CERS3: variants seen among roughly 807,000 people sequenced by gnomAD.
CERS3 encodes the protein LAG1 homolog, ceramide synthase 3.
In CERS3, 33 loss-of-function variants were observed where a neutral mutation model predicts 50.3. That is an observed-to-expected ratio of 0.66 (90% CI 0.50 to 0.88). CERS3 has a LOEUF of 0.88. Ranked by LOEUF, CERS3 falls within the 40% of genes least tolerant of loss-of-function variation. The probability of loss-of-function intolerance (pLI) is 0.00; values close to 1 mark genes in which losing one functional copy is unlikely to be tolerated. For missense variants in CERS3, 470 were observed against 460.3 expected (o/e 1.02, Z -0.19); for synonymous variants, 176 against 155.2 (o/e 1.13, Z -0.99).
intron 11 of CERS3, among the ~76,000 whole-genome samples, chr15:100,453,247 C>T (rs1355423650): frequency 6.6e-6 from 1 of 152,056 alleles, no homozygotes; most frequent in African/African-American, 2.4e-5. Flanking sequence ...TACAAAAATT[C>T]TCAACAAAAT....
In CERS3 at chr15:100,428,157, T is replaced by G. The variant is rs557467687; in HGVS notation, c.1000-25292A>C. Among the ~76,000 whole-genome samples, 213 of 152,348 alleles carry G rather than the reference T, an allele frequency of 1.4e-3. 1 individual carries two copies. Among genetic ancestry groups the G allele is most frequent in the Admixed American group, 3.7e-3 (56 of 15,300 alleles). Reference sequence around the variant, plus strand: ...TTCTCCATCCATCAAAACTTTTCAATGCAGTTGCCTTATCTCAAAAGGAAA... The same window carrying G: ...TTCTCCATCCATCAAAACTTTTCAAGGCAGTTGCCTTATCTCAAAAGGAAA... On this transcript the variant is annotated intron_variant, in intron 11 of 11. Coordinates refer to ENST00000679737, the MANE Select transcript of CERS3 (RefSeq NM_001378789.1).
intron 11 of CERS3, among the ~76,000 whole-genome samples, chr15:100,434,840 A>C (rs12914240): frequency 0.45 from 68,211 of 152,200 alleles, 16,154 homozygotes; most frequent in Non-Finnish European, 0.54. Context: ...CTCTACTAAT[A>C]AAAAGGAGAC....
At chr15:100,450,916 G>T (rs947102845) in intron 11 of CERS3, among the ~76,000 whole-genome samples, 1 of 152,044 alleles carries the variant, frequency 6.6e-6, no homozygotes, top group African/African-American at 2.4e-5. Context: ...GTGGGGGAGG[G>T]GGGGAACCTG....
At chr15:100,467,888 TAGATATAG>T in intron 10 of CERS3, among the ~76,000 whole-genome samples, 1 of 59,392 alleles carries the variant, frequency 1.7e-5, no homozygotes, top group Non-Finnish European at 5.3e-5. Context: ...GATATAGATA[TAGATATAG>T]ATATATTTAA....
At position 100,460,428 on chromosome 15, in the gene CERS3, T is replaced by C. The variant is rs117130242; in HGVS notation, c.846-4382A>G. Among the ~76,000 whole-genome samples the C allele has an allele frequency of 3.7e-3, 565 of 152,298 alleles. 6 individuals carry two copies. Among genetic ancestry groups the C allele is most frequent in the Non-Finnish European group, 6.2e-3 (423 of 68,010 alleles). Reference sequence around the variant, plus strand: ...TAGGGTTTACCTTCTGGTACCCACATTTATTTATAGGCTTATTAGAGGAAA... The same window carrying C: ...TAGGGTTTACCTTCTGGTACCCACACTTATTTATAGGCTTATTAGAGGAAA... On this transcript the variant is annotated intron_variant, in intron 10 of 11. Coordinates refer to ENST00000679737, the MANE Select transcript of CERS3 (RefSeq NM_001378789.1).
intron 11 of CERS3, among the ~76,000 whole-genome samples, chr15:100,416,356 A>G (rs1025450190): frequency 8.5e-5 from 13 of 152,232 alleles, no homozygotes; most frequent in Non-Finnish European, 1.5e-5. Flanking sequence ...GACCTTCAAC[A>G]AAGTTGACAA....
chr15:100,535,268 A>AT (rs1314694746), intron 1 of CERS3, among the ~76,000 whole-genome samples: 1 of 152,218 alleles, frequency 6.6e-6, no homozygotes, highest in Non-Finnish European at 1.5e-5. Context: ...CTCCACTTAA[A>AT]TTTTGAGTAC....
rs960348192 is a variant in CERS3, at chr15:100,442,606, T to C, written c.999+13287A>G. 3.5e-4 allele frequency among the ~76,000 whole-genome samples: 53 copies of C among 152,236 alleles called. No individual in the cohort carries two copies. In the East Asian group the frequency reaches 3.5e-3, roughly 10 times the overall value. On this transcript the variant is annotated intron_variant, in intron 11 of 11. Transcript: ENST00000679737. Reference sequence around the variant, plus strand: ...ACCAGGCCAAGGAATGCTCGCAGCCTGGGATTCCTCCTAAGCCGTGTCCTG... The same window carrying C: ...ACCAGGCCAAGGAATGCTCGCAGCCCGGGATTCCTCCTAAGCCGTGTCCTG...
At chr15:100,418,761 A>G (rs913047297) in intron 11 of CERS3, among the ~76,000 whole-genome samples, 1 of 138,226 alleles carries the variant, frequency 7.2e-6, no homozygotes, top group Non-Finnish European at 1.6e-5. Context: ...GCCAGAAGAG[A>G]GTGGGGGCCA....
At chr15:100,442,212 G>A (rs895295926) in intron 11 of CERS3, among the ~76,000 whole-genome samples, 4 of 152,182 alleles carry the variant, frequency 2.6e-5, no homozygotes, top group South Asian at 2.1e-4. Context: ...TTCATGACTC[G>A]TTTGGCAGCA....
intron 8 of CERS3, 106 bp downstream of exon 8, chr15:100,475,980 G>A (rs1036404244): frequency 1.1e-5 from 7 of 635,560 alleles, no homozygotes; most frequent in Admixed American, 3.6e-5. Context: ...GCAATGAACT[G>A]GACCCAAAAA....
At chr15:100,495,500 T>C (rs2035784049) in intron 3 of CERS3, among the ~76,000 whole-genome samples, 1 of 152,226 alleles carries the variant, frequency 6.6e-6, no homozygotes, top group South Asian at 2.1e-4. Context: ...ATCCAGTGCA[T>C]TGTGGTTTTA....
intron 11 of CERS3, among the ~76,000 whole-genome samples, chr15:100,449,627 C>T (rs1339938369): frequency 1.3e-5 from 2 of 152,212 alleles, no homozygotes; most frequent in Non-Finnish European, 1.5e-5. Flanking sequence ...ACAGACACCA[C>T]TGAGGTTGTT....
chr15:100,427,522 A>C (rs2032887168), intron 11 of CERS3, among the ~76,000 whole-genome samples: 2 of 152,188 alleles, frequency 1.3e-5, no homozygotes, highest in African/African-American at 4.8e-5. Flanking sequence ...TAATCCTCTC[A>C]GGCCTTGGGG....
chr15:100,435,793 C>A (rs901588031), intron 11 of CERS3, among the ~76,000 whole-genome samples: 4 of 152,058 alleles, frequency 2.6e-5, no homozygotes, highest in Admixed American at 2.0e-4. Context: ...AACAAACAAC[C>A]CCATCAAAAA....
chr15:100,454,356 C>G (rs539369212), intron 11 of CERS3, among the ~76,000 whole-genome samples: 44 of 142,332 alleles, frequency 3.1e-4, no homozygotes, highest in African/African-American at 1.1e-3. Context: ...TGCCCCTGCA[C>G]TCTAGCCTTG....
chr15:100,402,429 G>T lies in CERS3; in HGVS notation c.*284C>A. The T allele has an allele frequency of 2.7e-6, 1 of 369,202 alleles. No homozygotes were observed. The highest frequency in any genetic ancestry group is 4.3e-5 in the Admixed American group (1 of 23,208). 22.9% of individuals were successfully genotyped at this position (369,202 alleles called of 1,614,324 possible). Reference sequence around the variant, plus strand: ...TAACAAAGCGAGCCCCTGAGAAAGTGACATGCATGAGGGAGTGCAATTAGA... The same window carrying T: ...TAACAAAGCGAGCCCCTGAGAAAGTTACATGCATGAGGGAGTGCAATTAGA... On this transcript the variant is annotated 3_prime_UTR_variant, in exon 12 of 12. Coordinates refer to ENST00000679737, the MANE Select transcript of CERS3 (RefSeq NM_001378789.1).
At chr15:100,531,434 C>T (rs1201236271), upstream of CERS3, among the ~76,000 whole-genome samples, 9 of 151,898 alleles carry the variant, frequency 5.9e-5, no homozygotes, top group Admixed American at 2.6e-4. Context: ...GTGAGGAACT[C>T]GGAGGGTTTG....
At chr15:100,482,806 C>G (rs113123463) in intron 5 of CERS3, among the ~76,000 whole-genome samples, 2 of 151,934 alleles carry the variant, frequency 1.3e-5, no homozygotes, top group African/African-American at 4.8e-5. Context: ...AATAAGCGCC[C>G]GGAGATTTTC....
Sources: gnomAD v4.1 joint callset for allele counts (sites outside exome capture counted in the v4.1 genomes callset) on GRCh38, gnomAD v4.1.1 for gene constraint, MANE v1.5 for transcripts, NCBI Gene and HGNC (gene_info 2026-07-23, HGNC 2026-07-21) for gene names.